The following NELL1 variants were observed in gnomAD, a reference collection of about 807,000 sequenced individuals.
NELL1 encodes the protein protein kinase C-binding protein NELL1.
A neutral mutation model predicts 107.4 loss-of-function variants in NELL1; 76 were observed. That is an observed-to-expected ratio of 0.71 (90% CI 0.59 to 0.86). NELL1 has a LOEUF of 0.86. Ranked by LOEUF, NELL1 falls within the 40% of genes least tolerant of loss-of-function variation. NELL1 has a pLI of 0.00. For synonymous variants in NELL1, 353 were observed against 341.2 expected (o/e 1.03, Z -0.38); for missense variants, 1,024 against 1,005.5 (o/e 1.02, Z -0.25).
At chr11:21,027,041 GAA>G (rs1378493652) in intron 12 of NELL1, among the ~76,000 whole-genome samples, 1 of 152,142 alleles carries the variant, frequency 6.6e-6, no homozygotes, top group Non-Finnish European at 1.5e-5. Flanking sequence ...TTCCTTGGGA[GAA>G]GGGGTAGAAT....
chr11:20,935,550 T>C (rs1850706297), intron 9 of NELL1: 1 of 152,260 alleles, frequency 6.6e-6, no homozygotes, highest in Non-Finnish European at 1.5e-5. Flanking sequence ...ATGAATGGCC[T>C]TGTTTGCTGA....
chr11:21,238,448 G>A (rs1020133802), intron 14 of NELL1, among the ~76,000 whole-genome samples: 2 of 152,016 alleles, frequency 1.3e-5, no homozygotes, highest in Non-Finnish European at 2.9e-5. Flanking sequence ...GTCATATATT[G>A]AAGAATGATG....
chr11:21,110,882 G>A (rs1855090647), intron 12 of NELL1, among the ~76,000 whole-genome samples: 1 of 152,278 alleles, frequency 6.6e-6, no homozygotes, highest in South Asian at 2.1e-4. Flanking sequence ...CCTGATGAAA[G>A]TCTGAGCTCC....
chr11:20,741,821 G>A (rs74776516), intron 2 of NELL1, among the ~76,000 whole-genome samples: 10 of 152,142 alleles, frequency 6.6e-5, no homozygotes, highest in East Asian at 1.9e-4. Context: ...TGATGAATAC[G>A]TAATTCTGTG....
At chr11:21,408,595 A>C (rs1359065954) in intron 15 of NELL1, among the ~76,000 whole-genome samples, 1 of 151,940 alleles carries the variant, frequency 6.6e-6, no homozygotes, top group South Asian at 2.1e-4. Flanking sequence ...AGGTTGCGAA[A>C]ATTTTCTCCC....
intron 14 of NELL1, among the ~76,000 whole-genome samples, chr11:21,317,413 T>C (rs1849902171): frequency 8.6e-3 from 1 of 116 alleles, no homozygotes; most frequent in Non-Finnish European, 0.022. Context: ...GTGGGATTAT[T>C]AGTACAAATT....
At chr11:20,702,692 C>A (rs1854827030) in intron 2 of NELL1, among the ~76,000 whole-genome samples, 2 of 152,126 alleles carry the variant, frequency 1.3e-5, no homozygotes, top group South Asian at 4.1e-4. Context: ...CCATCAATAC[C>A]TAATTTATTG....
chr11:20,911,037 C>G (rs1354725796), intron 5 of NELL1, among the ~76,000 whole-genome samples: 1 of 152,170 alleles, frequency 6.6e-6, no homozygotes, highest in Non-Finnish European at 1.5e-5. Flanking sequence ...CTCTTCCTGT[C>G]TTTTAGGAAT....
intron 3 of NELL1, among the ~76,000 whole-genome samples, chr11:20,822,817 T>A (rs929212066): frequency 6.6e-6 from 1 of 152,148 alleles, no homozygotes; most frequent in African/African-American, 2.4e-5. Flanking sequence ...GGTGGTAAGA[T>A]CATTGGAAGT....
At chr11:20,822,389 C>T (rs1396895619) in intron 3 of NELL1, among the ~76,000 whole-genome samples, 2 of 152,148 alleles carry the variant, frequency 1.3e-5, no homozygotes, top group Non-Finnish European at 2.9e-5. Flanking sequence ...ACCTTCATTT[C>T]CTGGCAGGGC....
chr11:20,945,824 A>G (rs1850950476), intron 10 of NELL1, among the ~76,000 whole-genome samples: 1 of 152,192 alleles, frequency 6.6e-6, no homozygotes, highest in Non-Finnish European at 1.5e-5. Flanking sequence ...TGAGGATTAA[A>G]AATGAAGTGC....
At chr11:20,923,040 C>G (rs1247143303) in intron 7 of NELL1, among the ~76,000 whole-genome samples, 3 of 152,110 alleles carry the variant, frequency 2.0e-5, no homozygotes, top group Non-Finnish European at 4.4e-5. Flanking sequence ...TCCCCAGTGA[C>G]TTGAAATCAC....
chr11:20,814,070 A>G (rs556719771), intron 3 of NELL1, among the ~76,000 whole-genome samples: 1 of 151,816 alleles, frequency 6.6e-6, no homozygotes, highest in Non-Finnish European at 1.5e-5. Flanking sequence ...ATCTCGGCTC[A>G]CTGCAAGCTC....
At chr11:21,401,066 AT>A (rs747170763) in intron 15 of NELL1, among the ~76,000 whole-genome samples, 9 of 151,924 alleles carry the variant, frequency 5.9e-5, no homozygotes, top group Non-Finnish European at 8.8e-5. Flanking sequence ...GAAGCACCCC[AT>A]TTAGGCTCTA....
chr11:21,018,540 C>G (rs895710614), intron 12 of NELL1, among the ~76,000 whole-genome samples: 2 of 152,056 alleles, frequency 1.3e-5, no homozygotes, highest in Admixed American at 6.6e-5. Context: ...ATATCTAATT[C>G]TTCAGAGAGA....
At position 21,386,520 on chromosome 11, in the gene NELL1, G is replaced by C. The variant is rs368496256; in HGVS notation, c.1645+15572G>C. On this transcript the variant is annotated intron_variant, in intron 15 of 19. Transcript: ENST00000357134. The stretch of plus-strand genomic sequence containing the variant: ...GATCAGATAAGCATGGCCAGATATA[G>C]TATTTTCCTGGTTCTTAAATTGCCC... Among the ~76,000 whole-genome samples, 263 of 152,022 alleles carry C rather than the reference G, an allele frequency of 1.7e-3. 8 individuals are homozygous for C. The South Asian group carries it at 0.053, about 31-fold the overall frequency.
chr11:20,860,662 A>G lies in NELL1; in HGVS notation c.506+12909A>G, dbSNP rs2134073054. Among the ~76,000 whole-genome samples, 2 of 152,266 alleles carry G rather than the reference A, an allele frequency of 1.3e-5. 1 individual carries two copies. The highest frequency in any genetic ancestry group is 6.8e-3 in the Middle Eastern group (2 of 294). On this transcript the variant is annotated intron_variant, in intron 4 of 19. Transcript: ENST00000357134. ...GTAATCCTAGCAGTTTTTGCTTTGAACTTTTGAGTATTGTTCTCTTTCTCA... is the reference window on the plus strand; with the variant it reads ...GTAATCCTAGCAGTTTTTGCTTTGAGCTTTTGAGTATTGTTCTCTTTCTCA...
intron 11 of NELL1, among the ~76,000 whole-genome samples, chr11:20,956,667 C>A (rs1851181678): frequency 6.7e-6 from 1 of 150,342 alleles, no homozygotes; most frequent in Non-Finnish European, 1.5e-5. Context: ...AAAAAAATTA[C>A]TAATCTCATC....
intron 13 of NELL1, among the ~76,000 whole-genome samples, chr11:21,201,914 TG>T (rs1857278480): frequency 6.6e-6 from 1 of 152,216 alleles, no homozygotes; most frequent in African/African-American, 2.4e-5. Context: ...GTTCTCTTTA[TG>T]TGATGGATTA....
Sources: gnomAD v4.1 joint callset for allele counts (sites outside exome capture counted in the v4.1 genomes callset) on GRCh38, gnomAD v4.1.1 for gene constraint, MANE v1.5 for transcripts, NCBI Gene and HGNC (gene_info 2026-07-23, HGNC 2026-07-21) for gene names.